NRXN2: variants seen among roughly 807,000 people sequenced by gnomAD.
NRXN2 encodes the protein neurexin 2.
A neutral mutation model predicts 128.8 loss-of-function variants in NRXN2; 29 were observed. That is an observed-to-expected ratio of 0.23 (90% CI 0.17 to 0.31). NRXN2 has a LOEUF of 0.31. Among genes scored for constraint, NRXN2 ranks in the 10% least tolerant of loss-of-function variants. The probability of loss-of-function intolerance (pLI) is 1.00; values close to 1 mark genes in which losing one functional copy is unlikely to be tolerated. For missense variants in NRXN2, 1,881 were observed against 2,452.6 expected (o/e 0.77, Z 4.92); for synonymous variants, 1,098 against 1,075.2 (o/e 1.02, Z -0.41).
At chr11:64,695,727 C>G (rs545730776) in intron 3 of NRXN2, among the ~76,000 whole-genome samples, 1 of 151,830 alleles carries the variant, frequency 6.6e-6, no homozygotes, top group Non-Finnish European at 1.5e-5. Context: ...TATACACACA[C>G]GCGCACACAC....
Position 64,696,528 on chromosome 11 carries a change from TACACACACACAC to T in NRXN2, c.748+1235_748+1246del, listed in dbSNP as rs58158687. 1.4e-3 allele frequency among the ~76,000 whole-genome samples: 190 copies of T among 138,860 alleles called. 1 individual carries two copies. The highest frequency in any genetic ancestry group is 4.5e-3 in the African/African-American group (168 of 37,716). The allele number at this position is 138,860 out of a possible 152,430, so 91.1% of individuals were successfully genotyped here. On this transcript the variant is annotated intron_variant, in intron 3 of 22. Transcript: ENST00000265459. ...ACATACATACCCACACATACATACA[TACACACACACAC>T]ACACACACACACACACACACACACC...
chr11:64,721,379 C>T (rs1157520619), intron 1 of NRXN2, among the ~76,000 whole-genome samples: 1 of 151,898 alleles, frequency 6.6e-6, no homozygotes, highest in Non-Finnish European at 1.5e-5. Flanking sequence ...GCCCGGCAGC[C>T]GTGGCTGGTT....
At chr11:64,690,541 G>A in intron 4 of NRXN2, 65 bp from the exon 5 acceptor site, 1 of 1,382,718 alleles carries the variant, frequency 7.2e-7, no homozygotes, top group African/African-American at 1.4e-5. Context: ...CCAGCCTTGA[G>A]GGGATGAAGG....
chr11:64,619,706 C>T (rs185972756), intron 22 of NRXN2, among the ~76,000 whole-genome samples: 87 of 152,312 alleles, frequency 5.7e-4, no homozygotes, highest in African/African-American at 2.0e-3. Flanking sequence ...AACCTCCCAC[C>T]CAGCACACTA....
chr11:64,645,396 TC>T (rs1303820037), intron 17 of NRXN2, among the ~76,000 whole-genome samples: 3 of 151,410 alleles, frequency 2.0e-5, no homozygotes, highest in Non-Finnish European at 4.4e-5. Context: ...ATGTAAGAGA[TC>T]AATAGAGACT....
chr11:64,696,645 C>G (rs936117233), intron 3 of NRXN2, among the ~76,000 whole-genome samples: 2 of 151,914 alleles, frequency 1.3e-5, no homozygotes, highest in South Asian at 4.2e-4. Flanking sequence ...ATGGACATCA[C>G]GAGGAAAAAT....
At position 64,664,818 on chromosome 11, in the gene NRXN2, C is replaced by CTATTTTA. The variant is rs529829375; in HGVS notation, c.1798+2431_1798+2432insTAAAATA. 6.4e-3 allele frequency among the ~76,000 whole-genome samples: 964 copies of CTATTTTA among 151,580 alleles called. 7 individuals carry two copies. The highest frequency in any genetic ancestry group is 0.022 in the African/African-American group (920 of 41,300). On this transcript the variant is annotated intron_variant, in intron 9 of 22. Transcript: ENST00000265459. ...CAGCCTGGTCAACACAGTGAAACCC[C>CTATTTTA]GTCTCCACTAAAAATACAAAAATTA...
At chr11:64,705,436 C>T (rs1041912222) in intron 2 of NRXN2, among the ~76,000 whole-genome samples, 1 of 151,180 alleles carries the variant, frequency 6.6e-6, no homozygotes, top group Non-Finnish European at 1.5e-5. Context: ...AGCTGCGAGT[C>T]CCCCCTCTCT....
intron 14 of NRXN2, among the ~76,000 whole-genome samples, 181 bp from the exon 15 acceptor site, chr11:64,650,819 C>T (rs573400774): frequency 3.2e-4 from 49 of 152,100 alleles, no homozygotes; most frequent in African/African-American, 9.9e-4. Flanking sequence ...GGTCCTGTCA[C>T]GGGGAGAATG....
chr11:64,676,657 G>A (rs1311189720), intron 7 of NRXN2: 6 of 395,118 alleles, frequency 1.5e-5, no homozygotes, highest in African/African-American at 1.2e-4. Flanking sequence ...CTGGCATCGG[G>A]GCTGGTCTAA....
rs756825463 is a variant in NRXN2 at position 64,692,847 on chromosome 11, C to A, written c.778G>T (p.Val260Leu). ...ACCAAACCAAAACTTCAAACCATAC[C>A]TTCGCTGTTTAACGTCAGGTGAGCC... ...GPAHLTLNSE[V>L]GSLLFSEGGA... Residue 260 changes from valine (V) to leucine (L), a missense_variant and splice_region_variant, in exon 4 of 23, where the codon GTA becomes TTA. Transcript: ENST00000265459. 4 of 1,613,598 alleles carry A rather than the reference C, an allele frequency of 2.5e-6. No individual in the cohort carries two copies. Among genetic ancestry groups the A allele is most frequent in the Non-Finnish European group, 3.4e-6 (4 of 1,179,966 alleles).
chr11:64,716,353 C>T (rs1043772506), intron 1 of NRXN2, among the ~76,000 whole-genome samples: 3 of 152,022 alleles, frequency 2.0e-5, no homozygotes, highest in African/African-American at 7.2e-5. Flanking sequence ...AGATGGCAGA[C>T]GGGTTCTGTG....
chr11:64,690,582 C>T (rs554531369), intron 4 of NRXN2, 106 bp from the exon 5 acceptor site: 12 of 1,014,226 alleles, frequency 1.2e-5, no homozygotes, highest in South Asian at 8.1e-5. Context: ...GCTGCTTGCA[C>T]GGACAGGGGA....
chr11:64,718,217 C>T (rs769322744), intron 1 of NRXN2, among the ~76,000 whole-genome samples: 11 of 152,124 alleles, frequency 7.2e-5, no homozygotes, highest in Non-Finnish European at 1.6e-4. Flanking sequence ...TGATCCATGC[C>T]CACACAAGCA....
intron 3 of NRXN2, among the ~76,000 whole-genome samples, chr11:64,695,057 T>C (rs1252249620): frequency 6.6e-6 from 1 of 152,230 alleles, no homozygotes; most frequent in Non-Finnish European, 1.5e-5. Flanking sequence ...ACCAGCCATC[T>C]TGGTGAAGGG....
At position 64,713,200 on chromosome 11, in the gene NRXN2, C is replaced by G; in HGVS notation, c.500G>C (p.Ser167Thr). 6.8e-7 allele frequency: 1 copy of G among 1,469,638 alleles called. No individual in the cohort carries two copies. The highest frequency in any genetic ancestry group is 9.0e-7 in the Non-Finnish European group (1 of 1,114,574). 91.0% of individuals were successfully genotyped at this position (1,469,638 alleles called of 1,614,324 possible). A position where few individuals can be genotyped will look rare whatever the true frequency, so the allele number is the denominator to read the frequency against. ...GAAGGGCGGCTCGTACTTGACGGTG[C>G]TCAGCGTAAGCGCCGAGAGGCGCAC... is the stretch of plus-strand genomic sequence containing the variant. ...PDVRLSALTL[S>T]TVKYEPPFRG... The change falls in exon 2 of 23, where the codon AGC (serine) becomes ACC (threonine). Residue 167 changes from serine (S) to threonine (T), a missense_variant. Coordinates refer to ENST00000265459, the MANE Select transcript of NRXN2 (RefSeq NM_015080.4).
intron 7 of NRXN2, among the ~76,000 whole-genome samples, chr11:64,669,765 G>C (rs2050377114): frequency 6.6e-6 from 1 of 152,222 alleles, no homozygotes; most frequent in Non-Finnish European, 1.5e-5. Context: ...GAGACCACGA[G>C]CCCCTACTCT....
chr11:64,612,838 C>G (rs1208477315), intron 22 of NRXN2, among the ~76,000 whole-genome samples: 1 of 152,268 alleles, frequency 6.6e-6, no homozygotes, highest in Non-Finnish European at 1.5e-5. Flanking sequence ...TTAGAAAACA[C>G]AGTTCTATGC....
At chr11:64,643,282 G>A (rs1313947820) in intron 17 of NRXN2, 2 of 980,320 alleles carry the variant, frequency 2.0e-6, no homozygotes, top group Non-Finnish European at 2.4e-6. Flanking sequence ...GCGGGAGACC[G>A]ACGGCGACTG....
Sources: allele counts gnomAD v4.1 joint callset (sites outside exome capture counted in the v4.1 genomes callset), GRCh38; gene constraint gnomAD v4.1.1; transcripts MANE v1.5; gene names NCBI Gene and HGNC (gene_info 2026-07-23, HGNC 2026-07-21).